Variants in LINGO2 observed in about 807,000 individuals in gnomAD.
LINGO2 encodes leucine rich repeat and Ig domain containing 2, also known as leucine-rich repeat and immunoglobulin-like domain-containing nogo receptor-interacting protein 2.
A neutral mutation model predicts 30.6 loss-of-function variants in LINGO2; 14 were observed. The ratio of observed to expected loss-of-function variants is 0.46; its 90% CI spans 0.30 to 0.72. The LOEUF is 0.72. Among genes scored for constraint, LINGO2 ranks in the 30% least tolerant of loss-of-function variants. The pLI is 0.07. For synonymous variants in LINGO2, 317 were observed against 288.5 expected, an observed-to-expected ratio of 1.10 and a Z score of -1.00; for missense variants, 729 against 751.7, an observed-to-expected ratio of 0.97 and a Z score of 0.35.
intron 3 of LINGO2, among the ~76,000 whole-genome samples, chr9:28,367,210 CCT>C (rs1362432766): frequency 6.6e-6 from 1 of 151,970 alleles, no homozygotes; most frequent in Non-Finnish European, 1.5e-5. Context: ...TAGTAATTGC[CCT>C]GTTTCATGAC....
In LINGO2 at chr9:28,554,133, A is replaced by G. The variant is rs142611739; in HGVS notation, c.-364-78108T>C. Among the ~76,000 whole-genome samples, 131 of 152,082 alleles carry G rather than the reference A, an allele frequency of 8.6e-4. 2 individuals carry two copies. The highest frequency in any genetic ancestry group is 1.4e-3 in the Non-Finnish European group (98 of 68,030). ...AGCTAACATCATAATGACAGGATCA[A>G]ATTCACACATAACCATATTAACTTT... is the stretch of plus-strand genomic sequence containing the variant. On this transcript the variant is annotated intron_variant, in intron 1 of 5. Transcript: ENST00000379992.
At chr9:29,048,160 T>C in the LINGO2 span, among the ~76,000 whole-genome samples, 2 of 151,968 alleles carry the variant, frequency 1.3e-5, no homozygotes, top group Admixed American at 6.6e-5. Context: ...CAGTGTCATT[T>C]CTATATGCCA....
chr9:28,556,182 A>G (rs937039520), intron 1 of LINGO2, among the ~76,000 whole-genome samples: 44 of 152,138 alleles, frequency 2.9e-4, no homozygotes, highest in Non-Finnish European at 5.3e-4. Context: ...AGGGTATTCA[A>G]TTAGGAAAAG....
the LINGO2 span, among the ~76,000 whole-genome samples, chr9:29,174,070 T>A: frequency 2.0e-5 from 3 of 152,120 alleles, no homozygotes; most frequent in African/African-American, 7.2e-5. Flanking sequence ...CAATTTTACA[T>A]TTCTGAGATA....
chr9:28,347,938 A>G (rs984201684), intron 3 of LINGO2, among the ~76,000 whole-genome samples: 2 of 152,182 alleles, frequency 1.3e-5, no homozygotes, highest in Admixed American at 1.3e-4. Context: ...TAGTATTATC[A>G]TTTATAGAAA....
the LINGO2 span, among the ~76,000 whole-genome samples, chr9:28,986,986 T>C: frequency 6.6e-6 from 1 of 151,952 alleles, no homozygotes; most frequent in African/African-American, 2.4e-5. Flanking sequence ...TTTTAGATAG[T>C]TCACTGTTAG....
chr9:28,092,854 A>C (rs1826136779), intron 4 of LINGO2, among the ~76,000 whole-genome samples: 1 of 152,108 alleles, frequency 6.6e-6, no homozygotes, highest in African/African-American at 2.4e-5. Context: ...ATGACATAGT[A>C]TTATAAAAAT....
intron 4 of LINGO2, among the ~76,000 whole-genome samples, chr9:28,146,664 T>C (rs909633177): frequency 3.3e-5 from 5 of 152,154 alleles, no homozygotes; most frequent in Admixed American, 6.5e-5. Context: ...TTTTCATACA[T>C]GTTTCCCTAG....
At chr9:28,892,562 G>A in the LINGO2 span, among the ~76,000 whole-genome samples, 1 of 151,664 alleles carries the variant, frequency 6.6e-6, no homozygotes, top group Non-Finnish European at 1.5e-5. Context: ...AAAATCAAAA[G>A]CAACTTAACA....
chr9:28,150,330 A>G (rs1009303682), intron 4 of LINGO2, among the ~76,000 whole-genome samples: 7 of 152,168 alleles, frequency 4.6e-5, no homozygotes, highest in African/African-American at 1.7e-4. Flanking sequence ...GCCCTCCCCA[A>G]GTTTGCATTT....
chr9:28,373,114 T>C (rs1820969122), intron 2 of LINGO2, among the ~76,000 whole-genome samples: 1 of 152,128 alleles, frequency 6.6e-6, no homozygotes, highest in Non-Finnish European at 1.5e-5. Context: ...TTCTTATGAG[T>C]ATAGAAATTA....
intron 4 of LINGO2, among the ~76,000 whole-genome samples, chr9:28,261,713 T>C (rs1822569986): frequency 6.6e-6 from 1 of 151,918 alleles, no homozygotes. Flanking sequence ...CAACATATTA[T>C]TCAAGAAGAG....
chr9:28,624,841 G>T (rs1826586751), intron 1 of LINGO2, among the ~76,000 whole-genome samples: 1 of 151,290 alleles, frequency 6.6e-6, no homozygotes, highest in African/African-American at 2.4e-5. Flanking sequence ...TGGCTGAGCT[G>T]ATATCCAGTG....
At chr9:28,197,182 C>A (rs1167384153) in intron 4 of LINGO2, among the ~76,000 whole-genome samples, 8 of 151,832 alleles carry the variant, frequency 5.3e-5, no homozygotes, top group African/African-American at 1.9e-4. Context: ...ATACATACAA[C>A]TAGTATGTAT....
chr9:27,971,682 C>T (rs1820363617), intron 5 of LINGO2, among the ~76,000 whole-genome samples: 1 of 152,188 alleles, frequency 6.6e-6, no homozygotes, highest in African/African-American at 2.4e-5. Flanking sequence ...AGCCACGGCG[C>T]CCGGCCTGAA....
chr9:28,336,511 A>C (rs1825593673), intron 3 of LINGO2, among the ~76,000 whole-genome samples: 3 of 152,172 alleles, frequency 2.0e-5, no homozygotes, highest in Admixed American at 1.3e-4. Context: ...AAGACTTTCT[A>C]TACATCCTTT....
intron 4 of LINGO2, among the ~76,000 whole-genome samples, chr9:28,260,374 T>C (rs1450570590): frequency 1.3e-5 from 2 of 151,882 alleles, no homozygotes; most frequent in African/African-American, 2.4e-5. Context: ...TCTATTCTGA[T>C]GTGTTTCGTA....
chr9:28,777,972 G>T, the LINGO2 span, among the ~76,000 whole-genome samples: 2 of 152,064 alleles, frequency 1.3e-5, no homozygotes, highest in Non-Finnish European at 2.9e-5. Flanking sequence ...AATGAATGTC[G>T]AGTTTTGATG....
chr9:28,389,302 T>G, intron 2 of LINGO2, among the ~76,000 whole-genome samples: 1 of 152,136 alleles, frequency 6.6e-6, no homozygotes, highest in East Asian at 1.9e-4. Context: ...AAGAGCTATG[T>G]TATAAAGACA....
Sources: allele counts gnomAD v4.1 joint callset (sites outside exome capture counted in the v4.1 genomes callset), GRCh38; gene constraint gnomAD v4.1.1; transcripts MANE v1.5; gene names NCBI Gene and HGNC (gene_info 2026-07-23, HGNC 2026-07-21).